EXOC1: variants seen among roughly 807,000 people sequenced by gnomAD.
The protein encoded by EXOC1 is SEC3-like 1.
Under a neutral mutation model 107.7 loss-of-function variants are expected in EXOC1, and 67 were observed. That is an observed-to-expected ratio of 0.62 (90% CI 0.51 to 0.76). The LOEUF (loss-of-function observed/expected upper bound fraction) is 0.76, where lower values mean the gene tolerates loss of function less well. Among genes scored for constraint, EXOC1 ranks in the 30% least tolerant of loss-of-function variants. The pLI, the probability that EXOC1 is intolerant of heterozygous loss-of-function variation, is 0.00. For synonymous variants in EXOC1, 348 were observed against 353.5 expected, an observed-to-expected ratio of 0.98 and a Z score of 0.17; for missense variants, 833 against 1,055.7, an observed-to-expected ratio of 0.79 and a Z score of 2.92.
chr4:55,893,680 A>G lies in EXOC1; in HGVS notation c.1853A>G (p.His618Arg). The change falls in exon 15 of 19, where the codon CAT (histidine) becomes CGT (arginine). Residue 618 changes from histidine to arginine, a missense_variant. His to Arg is a conservative substitution (Grantham distance 29). Around this residue, in one of 2 missense-constraint regions of EXOC1, gnomAD observed 216 missense variants for 354.4 expected, o/e 0.61. Coordinates refer to ENST00000381295, the MANE Select transcript of EXOC1 (RefSeq NM_001024924.2). ...NSLYMLVKMS[H>R]HVWTAQNVDP... is the part of the protein sequence containing the mutation. ...CTTTATATGTTAGTCAAAATGAGTCATCATGTGTGGACTGCACAAAATGTG... is the reference window on the plus strand; with the variant it reads ...CTTTATATGTTAGTCAAAATGAGTCGTCATGTGTGGACTGCACAAAATGTG... 1.2e-6 allele frequency: 2 copies of G among 1,614,168 alleles called. No individual in the cohort carries two copies. Among genetic ancestry groups the G allele is most frequent in the African/African-American group, 1.3e-5 (1 of 75,054 alleles).
chr4:55,876,464 C>A, intron 8 of EXOC1: 1 of 634,990 alleles, frequency 1.6e-6, no homozygotes, highest in Non-Finnish European at 2.0e-6. Context: ...TCACTCTAAG[C>A]ACTATAAATA....
Position 55,875,042 on chromosome 4 carries a change from A to G in EXOC1, c.1075-2875A>G, listed in dbSNP as rs532100070. ...CTTTTGCCTTTAGCAACATGATGAG[A>G]CTGATTATGTACATAACTTAGAGAA... On this transcript the variant is annotated intron_variant, in intron 8 of 18. Transcript: ENST00000381295. 2.6e-5 allele frequency among the ~76,000 whole-genome samples: 4 copies of G among 152,292 alleles called. No homozygotes were observed. The East Asian group carries it at 7.7e-4, about 29-fold the overall frequency.
intron 10 of EXOC1, among the ~76,000 whole-genome samples, chr4:55,886,176 G>T (rs1723854966): frequency 6.6e-6 from 1 of 152,092 alleles, no homozygotes; most frequent in Non-Finnish European, 1.5e-5. Flanking sequence ...TTTAAGGTAG[G>T]CTAGGCCTCT....
intron 2 of EXOC1, among the ~76,000 whole-genome samples, chr4:55,859,870 G>C (rs780060747): frequency 1.3e-5 from 2 of 152,108 alleles, no homozygotes; most frequent in Admixed American, 6.5e-5. Flanking sequence ...TGACTTTTTA[G>C]AATGACCTCA....
At chr4:55,898,006 A>G (rs917372310) in intron 16 of EXOC1, among the ~76,000 whole-genome samples, 1 of 152,180 alleles carries the variant, frequency 6.6e-6, no homozygotes, top group South Asian at 2.1e-4. Flanking sequence ...CTGTAATCGC[A>G]GCACTTTGGA....
chr4:55,893,474 AC>A, intron 14 of EXOC1, 77 bp from the exon 15 acceptor site: 1 of 1,235,492 alleles, frequency 8.1e-7, no homozygotes, highest in Non-Finnish European at 1.1e-6. Flanking sequence ...TTTTGTATAT[AC>A]CCAGTGGATT....
In EXOC1 at chr4:55,903,145, AT is replaced by A. The variant is rs200304227; in HGVS notation, c.2532+609del. On this transcript the variant is annotated intron_variant, in intron 18 of 18. Transcript: ENST00000381295. ...CGCAACAGAGTGAGGCCGTGTCTCA[AT>A]TAAAAAAAAAAAAAAAAAGAAAGAA... 6.9e-3 allele frequency among the ~76,000 whole-genome samples: 841 copies of A among 122,230 alleles called. 14 individuals are homozygous for A. The highest frequency in any genetic ancestry group is 0.025 in the African/African-American group (775 of 31,596). 80.2% of individuals were successfully genotyped at this position (122,230 alleles called of 152,430 possible). A position where few individuals can be genotyped will look rare whatever the true frequency, so the allele number is the denominator to read the frequency against.
Position 55,904,345 on chromosome 4 carries a change from G to A in EXOC1, c.2535G>A (p.Val845=). 6.3e-7 allele frequency: 1 copy of A among 1,596,122 alleles called. No individual in the cohort carries two copies. Among genetic ancestry groups the A allele is most frequent in the Non-Finnish European group, 8.5e-7 (1 of 1,172,840 alleles). ...HLCEEENLLQ[V]VWHSMQDEFI... ...ATGACTTTTTTTTTTAATAATAGGTGGTGTGGCACTCCATGCAAGATGAAT... is the reference window on the plus strand; with the variant it reads ...ATGACTTTTTTTTTTAATAATAGGTAGTGTGGCACTCCATGCAAGATGAAT... Residue 845 remains valine (V), a splice_region_variant and synonymous_variant, in exon 19 of 19, where the codon GTG becomes GTA. Transcript: ENST00000381295.
At chr4:55,899,384 A>G (rs908695673) in intron 16 of EXOC1, among the ~76,000 whole-genome samples, 2 of 152,154 alleles carry the variant, frequency 1.3e-5, no homozygotes, top group African/African-American at 2.4e-5. Context: ...TAAATTTCAT[A>G]TATTAAAATG....
chr4:55,902,902 T>A (rs1304230480), intron 18 of EXOC1, among the ~76,000 whole-genome samples: 1 of 152,074 alleles, frequency 6.6e-6, no homozygotes, highest in Non-Finnish European at 1.5e-5. Context: ...CTTAGTTTCC[T>A]TATTTGATAA....
At position 55,878,055 on chromosome 4, in the gene EXOC1, G is replaced by A. The variant is rs746617692; in HGVS notation, c.1213G>A (p.Gly405Arg). ...LKSTDYGKYEGLTKNYMDYLS... is the reference protein window; with the variant it reads ...LKSTDYGKYERLTKNYMDYLS... ...GAGTACAGATTATGGAAAATATGAAGGACTAACAAAGGTATGGATTTGACG... is the reference window on the plus strand; with the variant it reads ...GAGTACAGATTATGGAAAATATGAAAGACTAACAAAGGTATGGATTTGACG... Residue 405 changes from glycine to arginine, a missense_variant, in exon 9 of 19, where the codon GGA becomes AGA. Gly to Arg is a moderately radical substitution (Grantham distance 125). Coordinates refer to ENST00000381295, the MANE Select transcript of EXOC1 (RefSeq NM_001024924.2). 4.9e-5 allele frequency: 79 copies of A among 1,612,882 alleles called. No individual in the cohort carries two copies. The Middle Eastern group carries it at 8.3e-4, about 17-fold the overall frequency.
intron 9 of EXOC1, among the ~76,000 whole-genome samples, chr4:55,881,131 G>T (rs1331886227): frequency 6.6e-6 from 1 of 152,106 alleles, no homozygotes. Flanking sequence ...CTGTACTGAG[G>T]CTGAATCTAA....
At chr4:55,857,340 C>G (rs939580876) in intron 1 of EXOC1, among the ~76,000 whole-genome samples, 1 of 151,460 alleles carries the variant, frequency 6.6e-6, no homozygotes. Context: ...CCACCATGCC[C>G]GGCTAATTTT....
intron 4 of EXOC1, among the ~76,000 whole-genome samples, chr4:55,867,641 T>A (rs1029831252): frequency 2.6e-5 from 4 of 152,034 alleles, no homozygotes; most frequent in Non-Finnish European, 4.4e-5. Flanking sequence ...TTATAAAGCA[T>A]GAAGCCTGTT....
chr4:55,904,356 C>T lies in EXOC1; in HGVS notation c.2546C>T (p.Ser849Phe). The T allele has an allele frequency of 6.2e-7, 1 of 1,607,324 alleles. No individual in the cohort carries two copies. The highest frequency in any genetic ancestry group is 8.5e-7 in the Non-Finnish European group (1 of 1,177,724). Residue 849 changes from serine to phenylalanine, a missense_variant, in exon 19 of 19, where the codon TCC (serine) becomes TTC (phenylalanine). This residue lies in a region of EXOC1 where 216 missense variants were observed against 354.4 expected (regional missense o/e 0.61). Transcript: ENST00000381295. ...EENLLQVVWHSMQDEFIRQYK... is the reference protein window; with the variant it reads ...EENLLQVVWHFMQDEFIRQYK... ...TTTTAATAATAGGTGGTGTGGCACT[C>T]CATGCAAGATGAATTTATACGCCAG...
chr4:55,902,457 T>C lies in EXOC1; in HGVS notation c.2451T>C (p.Pro817=), dbSNP rs1253994718. 11 of 1,582,488 alleles carry C rather than the reference T, an allele frequency of 7.0e-6. No individual in the cohort carries two copies. The highest frequency in any genetic ancestry group is 9.4e-6 in the Non-Finnish European group (11 of 1,167,768). ...QELRKVIKEY[P]GKEVKKGLDN... is the part of the protein sequence containing the mutation. ...TTCGTAAAGTCATTAAGGAGTACCCTGGAAAGGAAGTAAAAAAAGGTCTAG... is the reference window on the plus strand; with the variant it reads ...TTCGTAAAGTCATTAAGGAGTACCCCGGAAAGGAAGTAAAAAAAGGTCTAG... The change falls in exon 18 of 19, where the codon CCT becomes CCC. Residue 817 remains proline (P), a synonymous_variant. Coordinates refer to ENST00000381295, the MANE Select transcript of EXOC1 (RefSeq NM_001024924.2).
In EXOC1 at chr4:55,898,433, A is replaced by G. The variant is rs1436896957; in HGVS notation, c.2138-1252A>G. 5.3e-5 allele frequency among the ~76,000 whole-genome samples: 8 copies of G among 152,274 alleles called. No homozygotes were observed. In the East Asian group the frequency reaches 1.3e-3, roughly 26 times the overall value. ...CAACAGTAGAGATATTCCCTCTGAA[A>G]TGAATTTAAAGCAGAAGTATTGTTA... On this transcript the variant is annotated intron_variant, in intron 16 of 18. Transcript: ENST00000381295.
At chr4:55,902,178 A>G (rs962404201) in intron 17 of EXOC1, 166 bp from the exon 18 acceptor site, 17 of 440,132 alleles carry the variant, frequency 3.9e-5, no homozygotes, top group African/African-American at 6.1e-5. Context: ...AATATTAACA[A>G]TGTTCATCTC....
At chr4:55,902,274 A>C in intron 17 of EXOC1, 70 bp from the exon 18 acceptor site, 1 of 1,226,602 alleles carries the variant, frequency 8.2e-7, no homozygotes, top group Middle Eastern at 2.0e-4. Flanking sequence ...CTACTTTGTA[A>C]TCAGATTTTT....
Sources: allele counts gnomAD v4.1 joint callset (sites outside exome capture counted in the v4.1 genomes callset), GRCh38; gene constraint gnomAD v4.1.1; regional missense constraint gnomAD v4.1.1; transcripts MANE v1.5; gene names NCBI Gene and HGNC (gene_info 2026-07-23, HGNC 2026-07-21).